CEP43: variants seen among roughly 807,000 people sequenced by gnomAD.
The protein encoded by CEP43 is centrosomal protein 43, also known as FGFR1 oncogene partner.
Under a neutral mutation model 52.6 loss-of-function variants are expected in CEP43, and 36 were observed. The ratio of observed to expected loss-of-function variants is 0.68; its 90% CI spans 0.52 to 0.90. The LOEUF (loss-of-function observed/expected upper bound fraction) is 0.90. Ranked by LOEUF, CEP43 falls within the 40% of genes least tolerant of loss-of-function variation. CEP43 has a pLI of 0.00. For synonymous variants in CEP43, 192 were observed against 172.4 expected (o/e 1.11, Z -0.89); for missense variants, 506 against 472.8 (o/e 1.07, Z -0.65).
intron 7 of CEP43, among the ~76,000 whole-genome samples, chr6:167,018,582 G>A (rs1780154429): frequency 6.6e-6 from 1 of 152,086 alleles, no homozygotes; most frequent in Non-Finnish European, 1.5e-5. Flanking sequence ...GTAGAGACGG[G>A]GTTCCACTAT....
At chr6:167,027,892 C>T (rs1272558958) in intron 10 of CEP43, 26 of 985,482 alleles carry the variant, frequency 2.6e-5, no homozygotes, top group East Asian at 1.1e-4. Flanking sequence ...CTGAGCTGCC[C>T]GGATTCTTGT....
At position 167,042,911 on chromosome 6, in the gene CEP43, A is replaced by T. The variant is rs1171906700; in HGVS notation, c.*2933A>T. The T allele has an allele frequency of 6.6e-6, 1 of 151,132 alleles. No homozygotes were observed. Among genetic ancestry groups the T allele is most frequent in the Non-Finnish European group, 1.5e-5 (1 of 68,084 alleles). 9.4% of individuals were successfully genotyped at this position (151,132 alleles called of 1,614,324 possible). A position where few individuals can be genotyped will look rare whatever the true frequency, so the allele number is the denominator to read the frequency against. On this transcript the variant is annotated 3_prime_UTR_variant, in exon 13 of 13. Coordinates refer to ENST00000366847, the MANE Select transcript of CEP43 (RefSeq NM_007045.4). Reference sequence around the variant, plus strand: ...GTACCTGGCACAACATTTGTCCCCTAGTATGAGCTTGGCATCTTTGGGGCT... The same window carrying T: ...GTACCTGGCACAACATTTGTCCCCTTGTATGAGCTTGGCATCTTTGGGGCT...
Position 167,050,796 on chromosome 6 carries a change from AAAAAAAAAG to A in CEP43, c.*10822_*10830del, listed in dbSNP as rs1296619991. ...ACTCAAAAAAGAAAAAAAAAAAAAAAAAAAAAAAGAAAGAAAATGAGACATTGGATTTGT... is the reference window on the plus strand; with the variant it reads ...ACTCAAAAAAGAAAAAAAAAAAAAAAAAAGAAAATGAGACATTGGATTTGT... On this transcript the variant is annotated 3_prime_UTR_variant, in exon 13 of 13. Transcript: ENST00000366847. 3 of 151,816 alleles carry A rather than the reference AAAAAAAAAG, an allele frequency of 2.0e-5. No individual in the cohort carries two copies. The highest frequency in any genetic ancestry group is 4.4e-5 in the Non-Finnish European group (3 of 68,010). The allele number at this position is 151,816 out of a possible 1,614,324, so 9.4% of individuals were successfully genotyped here.
At position 167,006,498 on chromosome 6, in the gene CEP43, G is replaced by A. The variant is rs542864429; in HGVS notation, c.438+2097G>A. Among the ~76,000 whole-genome samples the A allele has an allele frequency of 4.6e-5, 7 of 152,050 alleles. No homozygotes were observed. In the South Asian group the frequency reaches 6.2e-4, roughly 14 times the overall value. ...CCGCACTCCAGCCTGGCGACAGAGCGAGACTCCATCTCAAAAAAAAGAAAA... is the reference window on the plus strand; with the variant it reads ...CCGCACTCCAGCCTGGCGACAGAGCAAGACTCCATCTCAAAAAAAAGAAAA... On this transcript the variant is annotated intron_variant, in intron 5 of 12. Transcript: ENST00000366847.
chr6:167,004,349 T>C lies in CEP43; in HGVS notation c.386T>C (p.Leu129Ser), dbSNP rs762737904. The change falls in exon 5 of 13, where the codon TTA becomes TCA. Residue 129 changes from leucine to serine, a missense_variant. Coordinates refer to ENST00000366847, the MANE Select transcript of CEP43 (RefSeq NM_007045.4). ...GGTACTGTGGGTGGACCCTTATTAT[T>C]AGAAGTGATCAGGCGCTGTCAACAG... is the stretch of plus-strand genomic sequence containing the variant. ...AEGTVGGPLL[L>S]EVIRRCQQKE... 6.2e-6 allele frequency: 10 copies of C among 1,611,578 alleles called. No individual in the cohort carries two copies. The highest frequency in any genetic ancestry group is 8.5e-6 in the Non-Finnish European group (10 of 1,178,690).
chr6:167,037,592 C>A (rs957400831), intron 12 of CEP43, among the ~76,000 whole-genome samples: 3 of 152,116 alleles, frequency 2.0e-5, no homozygotes, highest in Non-Finnish European at 2.9e-5. Context: ...ATGTTTGGAC[C>A]AAGAGAAAGG....
At chr6:167,034,930 GCAT>G (rs1780552861) in intron 12 of CEP43, among the ~76,000 whole-genome samples, 1 of 152,116 alleles carries the variant, frequency 6.6e-6, no homozygotes, top group African/African-American at 2.4e-5. Flanking sequence ...TTTTCACCCT[GCAT>G]CATCCTAAAG....
chr6:167,031,726 C>T lies in CEP43; in HGVS notation c.989-877C>T, dbSNP rs190064263. 2.8e-3 allele frequency among the ~76,000 whole-genome samples: 427 copies of T among 152,284 alleles called. 1 individual carries two copies. The highest frequency in any genetic ancestry group is 9.8e-3 in the African/African-American group (409 of 41,554). ...CTTCCTGGGTCTTTCATAGGCCATC[C>T]ATTCACATTTTAAGTTGGCTCTCAT... On this transcript the variant is annotated intron_variant, in intron 10 of 12. Coordinates refer to ENST00000366847, the MANE Select transcript of CEP43 (RefSeq NM_007045.4).
At position 167,033,899 on chromosome 6, in the gene CEP43, T is replaced by A. The variant is rs750304789; in HGVS notation, c.1053T>A (p.Ser351Arg). ...FNSTSHRSEKSEISIGEEIEE... is the reference protein window; with the variant it reads ...FNSTSHRSEKREISIGEEIEE... Reference sequence around the variant, plus strand: ...GTACCAGCCATCGCTCAGAGAAAAGTGAGATAAGTATTGGTGAAGAGATAG... The same window carrying A: ...GTACCAGCCATCGCTCAGAGAAAAGAGAGATAAGTATTGGTGAAGAGATAG... The change falls in exon 12 of 13, where the codon AGT (serine) becomes AGA (arginine). Residue 351 changes from serine (S) to arginine (R), a missense_variant. Coordinates refer to ENST00000366847, the MANE Select transcript of CEP43 (RefSeq NM_007045.4). The A allele has an allele frequency of 1.9e-6, 3 of 1,584,980 alleles. No individual in the cohort carries two copies. The highest frequency in any genetic ancestry group is 2.6e-6 in the Non-Finnish European group (3 of 1,161,576).
rs1780874575 is a variant in CEP43, at chr6:167,051,899, G to A, written c.*11921G>A. 1 of 152,010 alleles carries A rather than the reference G, an allele frequency of 6.6e-6. No individual in the cohort carries two copies. The highest frequency in any genetic ancestry group is 1.5e-5 in the Non-Finnish European group (1 of 67,996). 9.4% of individuals were successfully genotyped at this position (152,010 alleles called of 1,614,324 possible). A position where few individuals can be genotyped will look rare whatever the true frequency, so the allele number is the denominator to read the frequency against. Reference sequence around the variant, plus strand: ...GGATAATTTTTAGTTCTTTTGATTGGATTGTTTAATTCATTCATTTTTAGT... The same window carrying A: ...GGATAATTTTTAGTTCTTTTGATTGAATTGTTTAATTCATTCATTTTTAGT... On this transcript the variant is annotated 3_prime_UTR_variant, in exon 13 of 13. Transcript: ENST00000366847.
intron 4 of CEP43, 175 bp downstream of exon 4, chr6:167,003,986 A>G: frequency 1.7e-6 from 1 of 597,218 alleles, no homozygotes; most frequent in South Asian, 2.3e-5. Context: ...AGCTGGCACC[A>G]GTGTTGCTGC....
At chr6:167,019,773 G>T (rs1221607732) in intron 7 of CEP43, among the ~76,000 whole-genome samples, 1 of 152,036 alleles carries the variant, frequency 6.6e-6, no homozygotes, top group African/African-American at 2.4e-5. Context: ...AATAATCATG[G>T]ATACCTACTA....
chr6:167,025,392 C>T (rs1045820680), intron 9 of CEP43, among the ~76,000 whole-genome samples: 2 of 152,180 alleles, frequency 1.3e-5, no homozygotes, highest in African/African-American at 4.8e-5. Context: ...AATAGTCTAG[C>T]TCTGGCACCA....
Position 167,033,902 on chromosome 6 carries a change from GA to G in CEP43, c.1057del (p.Ile353Ter). On this transcript the variant is annotated frameshift_variant, in exon 12 of 13. Transcript: ENST00000366847. LOFTEE classifies it high-confidence loss of function. ...STSHRSEKSEISIGEEIEEDL... is the reference protein window; with the variant it reads ...STSHRSEKSEXSIGEEIEEDL... ...CCAGCCATCGCTCAGAGAAAAGTGAGATAAGTATTGGTGAAGAGATAGAAGA... is the reference window on the plus strand; with the variant it reads ...CCAGCCATCGCTCAGAGAAAAGTGAGTAAGTATTGGTGAAGAGATAGAAGA... 1 of 1,592,490 alleles carries G rather than the reference GA, an allele frequency of 6.3e-7. No individual in the cohort carries two copies. Among genetic ancestry groups the G allele is most frequent in the Non-Finnish European group, 8.6e-7 (1 of 1,167,422 alleles).
intron 9 of CEP43, chr6:167,025,293 A>C (rs184592519): frequency 7.1e-5 from 11 of 153,940 alleles, no homozygotes; most frequent in Admixed American, 5.2e-4. Context: ...ATGTTAAATA[A>C]AAAATTATTC....
chr6:167,013,530 G>A lies in CEP43; in HGVS notation c.542G>A (p.Gly181Asp), dbSNP rs752070485. ...PSKIPRYKGQ[G>D]KKKTSGQKAG... ...CAGATACCAAGGTATAAAGGACAAG[G>A]TAAGAAGAAGACAAGCGGGCAGAAG... Residue 181 changes from glycine to aspartate, a missense_variant, in exon 7 of 13, where the codon GGT becomes GAT. Coordinates refer to ENST00000366847, the MANE Select transcript of CEP43 (RefSeq NM_007045.4). 11 of 1,613,478 alleles carry A rather than the reference G, an allele frequency of 6.8e-6. No individual in the cohort carries two copies. In the African/African-American group the frequency reaches 9.3e-5, roughly 14 times the overall value.
intron 4 of CEP43, 117 bp from the exon 5 acceptor site, chr6:167,004,147 A>G (rs1386903665): frequency 2.7e-6 from 3 of 1,090,964 alleles, no homozygotes; most frequent in African/African-American, 3.2e-5. Flanking sequence ...TTCATTCATT[A>G]GTAAGACAGT....
rs1320332980 is a variant in CEP43, at chr6:167,043,312, G to C, written c.*3334G>C. On this transcript the variant is annotated 3_prime_UTR_variant, in exon 13 of 13. Coordinates refer to ENST00000366847, the MANE Select transcript of CEP43 (RefSeq NM_007045.4). Reference sequence around the variant, plus strand: ...GGAGGATTCCCGCCATCAGTTCTCTGTCCATGGGTGCTAGTCTCACCCCTG... The same window carrying C: ...GGAGGATTCCCGCCATCAGTTCTCTCTCCATGGGTGCTAGTCTCACCCCTG... 6.6e-6 allele frequency: 1 copy of C among 151,520 alleles called. No homozygotes were observed. The highest frequency in any genetic ancestry group is 1.5e-5 in the Non-Finnish European group (1 of 68,086). The allele number at this position is 151,520 out of a possible 1,614,324, so 9.4% of individuals were successfully genotyped here. A position where few individuals can be genotyped will look rare whatever the true frequency, so the allele number is the denominator to read the frequency against.
At position 167,047,708 on chromosome 6, in the gene CEP43, G is replaced by T. The variant is rs932362436; in HGVS notation, c.*7730G>T. 4 of 152,070 alleles carry T rather than the reference G, an allele frequency of 2.6e-5. No individual in the cohort carries two copies. The highest frequency in any genetic ancestry group is 9.7e-5 in the African/African-American group (4 of 41,382). The allele number at this position is 152,070 out of a possible 1,614,324, so 9.4% of individuals were successfully genotyped here. ...ATGTCACTTCCTCCTCAAAGCTCTC[G>T]CCCCGCGCCGAGCTACTGTGATGTA... On this transcript the variant is annotated 3_prime_UTR_variant, in exon 13 of 13. Coordinates refer to ENST00000366847, the MANE Select transcript of CEP43 (RefSeq NM_007045.4).
Sources: gnomAD v4.1 joint callset for allele counts (sites outside exome capture counted in the v4.1 genomes callset) on GRCh38, gnomAD v4.1.1 for gene constraint, MANE v1.5 for transcripts, NCBI Gene and HGNC (gene_info 2026-07-23, HGNC 2026-07-21) for gene names.